NEK1: variants seen among roughly 807,000 people sequenced by gnomAD.
NEK1 encodes the protein NIMA related kinase 1, also known as serine/threonine-protein kinase Nek1.
Under a neutral mutation model 182.1 loss-of-function variants are expected in NEK1, and 137 were observed. That is an observed-to-expected ratio of 0.75 (90% CI 0.65 to 0.87). The LOEUF (loss-of-function observed/expected upper bound fraction) is 0.87, where lower values mean the gene tolerates loss of function less well. Ranked by LOEUF, NEK1 falls within the 40% of genes least tolerant of loss-of-function variation. NEK1 has a pLI of 0.00. For missense variants in NEK1, 1,391 were observed against 1,494.4 expected, an observed-to-expected ratio of 0.93 and a Z score of 1.14; for synonymous variants, 513 against 492.2, an observed-to-expected ratio of 1.04 and a Z score of -0.56.
chr4:169,551,764 C>G (rs1225661840), intron 18 of NEK1, among the ~76,000 whole-genome samples: 1 of 151,776 alleles, frequency 6.6e-6, no homozygotes, highest in Admixed American at 6.6e-5. Context: ...TTTTCTAAAA[C>G]TAACCTACAT....
chr4:169,515,180 T>C (rs575753805), intron 19 of NEK1, among the ~76,000 whole-genome samples: 32 of 152,334 alleles, frequency 2.1e-4, no homozygotes, highest in African/African-American at 7.7e-4. Flanking sequence ...CACTGTTCTC[T>C]ATATTTGTAA....
intron 4 of NEK1, 115 bp from the exon 5 acceptor site, chr4:169,599,312 T>C (rs1209787243): frequency 1.5e-6 from 1 of 666,360 alleles, no homozygotes; most frequent in Non-Finnish European, 2.5e-6. Context: ...AACAGGACCA[T>C]ACTCAAAAGA....
intron 27 of NEK1, among the ~76,000 whole-genome samples, chr4:169,462,869 A>C (rs773149787): frequency 6.6e-6 from 1 of 152,142 alleles, no homozygotes; most frequent in Non-Finnish European, 1.5e-5. Context: ...TAGAATTAAT[A>C]ATGTCTGTCA....
At chr4:169,423,322 C>T (rs548067034) in intron 31 of NEK1, among the ~76,000 whole-genome samples, 7 of 152,234 alleles carry the variant, frequency 4.6e-5, no homozygotes, top group African/African-American at 1.7e-4. Context: ...AGGCTGGTCT[C>T]GAGCTCCTGA....
At chr4:169,568,149 A>G (rs537576184) in intron 12 of NEK1, among the ~76,000 whole-genome samples, 19 of 152,246 alleles carry the variant, frequency 1.2e-4, no homozygotes, top group African/African-American at 4.3e-4. Flanking sequence ...AGATAAGGCA[A>G]CTCGCTTCTA....
chr4:169,530,766 T>A (rs573571812), intron 19 of NEK1, among the ~76,000 whole-genome samples: 1 of 151,460 alleles, frequency 6.6e-6, no homozygotes, highest in Non-Finnish European at 1.5e-5. Context: ...CGGGGGGTGA[T>A]GGAATTGTTC....
At chr4:169,547,713 C>G (rs753531855) in intron 18 of NEK1, among the ~76,000 whole-genome samples, 5 of 152,184 alleles carry the variant, frequency 3.3e-5, no homozygotes, top group Non-Finnish European at 7.3e-5. Context: ...CGCTTTATTT[C>G]ATTGAGTTGA....
At chr4:169,478,175 G>T (rs59403226) in intron 24 of NEK1, among the ~76,000 whole-genome samples, 13,038 of 152,052 alleles carry the variant, frequency 0.086, 674 homozygotes, top group East Asian at 0.17. Context: ...AAGGCATGTA[G>T]AAGATTCAAA....
intron 25 of NEK1, 23 bp downstream of exon 25, chr4:169,477,409 T>A: frequency 6.3e-7 from 1 of 1,586,766 alleles, no homozygotes; most frequent in South Asian, 1.2e-5. Context: ...AAATGATTGA[T>A]AAACTTTGAA....
chr4:169,552,226 T>G (rs768869138), intron 18 of NEK1, among the ~76,000 whole-genome samples: 4 of 151,928 alleles, frequency 2.6e-5, no homozygotes, highest in Non-Finnish European at 5.9e-5. Flanking sequence ...TTACCAGCTA[T>G]GAAAGGAAAG....
intron 18 of NEK1, among the ~76,000 whole-genome samples, chr4:169,539,158 G>A (rs1055322780): frequency 5.3e-5 from 8 of 152,020 alleles, no homozygotes; most frequent in South Asian, 2.1e-4. Flanking sequence ...GTTTCACATC[G>A]CTAAATCCAG....
At chr4:169,589,318 T>C (rs761918769) in intron 7 of NEK1, 129 bp downstream of exon 7, 39 of 662,204 alleles carry the variant, frequency 5.9e-5, no homozygotes, top group Non-Finnish European at 9.6e-5. Context: ...TCTCAGAACA[T>C]GTCCCAATAA....
intron 29 of NEK1, among the ~76,000 whole-genome samples, chr4:169,432,151 C>T (rs943167335): frequency 6.6e-6 from 1 of 152,076 alleles, no homozygotes; most frequent in African/African-American, 2.4e-5. Flanking sequence ...GATGTGCTTA[C>T]CTTTACCTAT....
intron 11 of NEK1, among the ~76,000 whole-genome samples, chr4:169,577,427 C>A (rs181597437): frequency 1.2e-3 from 190 of 152,050 alleles, no homozygotes; most frequent in African/African-American, 4.3e-3. Context: ...ATTGTAGACA[C>A]CAAATGTATA....
intron 12 of NEK1, among the ~76,000 whole-genome samples, chr4:169,575,594 TA>T (rs1765559547): frequency 6.6e-6 from 1 of 152,132 alleles, no homozygotes; most frequent in South Asian, 2.1e-4. Flanking sequence ...CAGCACCAGA[TA>T]AGTTCCACTG....
intron 23 of NEK1, among the ~76,000 whole-genome samples, 190 bp from the exon 24 acceptor site, chr4:169,479,724 C>G (rs147121307): frequency 1.4e-4 from 22 of 152,240 alleles, no homozygotes; most frequent in African/African-American, 4.1e-4. Flanking sequence ...AAAAAAATCT[C>G]TGGTCTCAGA....
At chr4:169,546,025 C>G (rs768874597) in intron 18 of NEK1, among the ~76,000 whole-genome samples, 2 of 151,982 alleles carry the variant, frequency 1.3e-5, no homozygotes, top group Non-Finnish European at 2.9e-5. Context: ...CAATGCCATC[C>G]CCATCAAGCT....
At chr4:169,540,189 T>A (rs963781363) in intron 18 of NEK1, among the ~76,000 whole-genome samples, 1 of 152,146 alleles carries the variant, frequency 6.6e-6, no homozygotes, top group Admixed American at 6.6e-5. Flanking sequence ...TTTTTTCCTA[T>A]AATTTATTAA....
intron 12 of NEK1, among the ~76,000 whole-genome samples, chr4:169,575,608 A>C (rs1490572870): frequency 2.0e-5 from 3 of 152,090 alleles, no homozygotes; most frequent in African/African-American, 7.2e-5. Flanking sequence ...TTCCACTGGC[A>C]CCCCAGCAGG....
Sources: allele counts gnomAD v4.1 joint callset (sites outside exome capture counted in the v4.1 genomes callset), GRCh38; gene constraint gnomAD v4.1.1; transcripts MANE v1.5; gene names NCBI Gene and HGNC (gene_info 2026-07-23, HGNC 2026-07-21).